PRKN: variants seen among roughly 807,000 people sequenced by gnomAD.
The protein encoded by PRKN is E3 ubiquitin-protein ligase parkin.
A neutral mutation model predicts 59.5 loss-of-function variants in PRKN; 56 were observed. The ratio of observed to expected loss-of-function variants is 0.94; its 90% CI spans 0.76 to 1.18. The LOEUF (loss-of-function observed/expected upper bound fraction) is 1.18. Ranked by LOEUF, PRKN falls within the 50% of genes most tolerant of loss-of-function variation. The pLI is 0.00. For missense variants in PRKN, 657 were observed against 596.4 expected, an observed-to-expected ratio of 1.10 and a Z score of -1.06; for synonymous variants, 250 against 222.1, an observed-to-expected ratio of 1.13 and a Z score of -1.12.
At chr6:162,418,177 A>T (rs1788742361) in intron 2 of PRKN, among the ~76,000 whole-genome samples, 1 of 152,214 alleles carries the variant, frequency 6.6e-6, no homozygotes, top group Admixed American at 6.5e-5. Context: ...ATTTGGCAAT[A>T]AAAATGAAGT....
At chr6:162,445,850 G>A (rs926176794) in intron 1 of PRKN, among the ~76,000 whole-genome samples, 3 of 151,796 alleles carry the variant, frequency 2.0e-5, no homozygotes, top group African/African-American at 7.3e-5. Context: ...GGAGCTAAGA[G>A]CAAAGGACCG....
At chr6:162,567,204 G>A (rs761345121) in intron 1 of PRKN, among the ~76,000 whole-genome samples, 3 of 148,048 alleles carry the variant, frequency 2.0e-5, no homozygotes, top group African/African-American at 4.9e-5. Context: ...TTCTAAGATC[G>A]GGAACATGAC....
At chr6:162,014,242 G>T (rs1180233234) in intron 5 of PRKN, among the ~76,000 whole-genome samples, 1 of 152,192 alleles carries the variant, frequency 6.6e-6, no homozygotes, top group African/African-American at 2.4e-5. Context: ...GGCGGAGCAT[G>T]GGCAGTTGAG....
chr6:162,236,015 AAG>A lies in PRKN; in HGVS notation c.412+26508_412+26509del, dbSNP rs200910519. ...AAAGAAAGAAAGAAAGAAAGAAAGA[AAG>A]AAAGAAACTCCTCACCCTTCAGTGT... On this transcript the variant is annotated intron_variant, in intron 3 of 11. Coordinates refer to ENST00000366898, the MANE Select transcript of PRKN (RefSeq NM_004562.3). Among the ~76,000 whole-genome samples the A allele has an allele frequency of 8.9e-5, 13 of 145,658 alleles. No individual in the cohort carries two copies. In the South Asian group the frequency reaches 1.1e-3, roughly 12 times the overall value.
At chr6:162,380,467 ATG>A (rs1554309906) in intron 2 of PRKN, among the ~76,000 whole-genome samples, 2 of 54,918 alleles carry the variant, frequency 3.6e-5, no homozygotes, top group Non-Finnish European at 5.9e-5. Context: ...ACACATATAT[ATG>A]TGTGTATATA....
chr6:162,513,069 G>T (rs1371553175), intron 1 of PRKN, among the ~76,000 whole-genome samples: 1 of 152,120 alleles, frequency 6.6e-6, no homozygotes, highest in African/African-American at 2.4e-5. Flanking sequence ...TGAAGATGAA[G>T]AATGCTTCTC....
At chr6:162,009,512 A>G (rs1487896827) in intron 5 of PRKN, among the ~76,000 whole-genome samples, 2 of 151,920 alleles carry the variant, frequency 1.3e-5, no homozygotes, top group Non-Finnish European at 2.9e-5. Context: ...AAGGAGGTAA[A>G]AAGATGTCAT....
At chr6:162,556,761 A>AG (rs1218460172) in intron 1 of PRKN, among the ~76,000 whole-genome samples, 16 of 151,124 alleles carry the variant, frequency 1.1e-4, no homozygotes, top group African/African-American at 3.6e-4. Context: ...AAAAAAAAAA[A>AG]AAGAGAAAAG....
chr6:162,243,742 C>T (rs539479270), intron 3 of PRKN, among the ~76,000 whole-genome samples: 2 of 152,242 alleles, frequency 1.3e-5, no homozygotes, highest in South Asian at 2.1e-4. Context: ...TCAAATCCCA[C>T]ATCTCAGTGA....
chr6:162,529,196 AC>A (rs1403359701), intron 1 of PRKN, among the ~76,000 whole-genome samples: 1 of 152,102 alleles, frequency 6.6e-6, no homozygotes. Flanking sequence ...TTTTAGTGAT[AC>A]ATTTATACTG....
chr6:161,573,751 A>ATT (rs1479971978), intron 7 of PRKN, among the ~76,000 whole-genome samples: 1,135 of 27,272 alleles, frequency 0.042, 67 homozygotes, highest in Middle Eastern at 0.056. Context: ...AAAAAAAAAA[A>ATT]AAAAATATAT....
chr6:162,046,650 T>C (rs1784261638), intron 5 of PRKN, among the ~76,000 whole-genome samples: 1 of 152,216 alleles, frequency 6.6e-6, no homozygotes, highest in South Asian at 2.1e-4. Context: ...TCTTTAACAC[T>C]ACCATGAAGA....
At chr6:162,332,526 C>T (rs9356004) in intron 2 of PRKN, among the ~76,000 whole-genome samples, 1 of 152,130 alleles carries the variant, frequency 6.6e-6, no homozygotes, top group African/African-American at 2.4e-5. Flanking sequence ...CAGTATAAAC[C>T]CATGCCATCA....
Position 162,454,264 on chromosome 6 carries a change from T to C in PRKN, c.8-10791A>G, listed in dbSNP as rs190865422. Among the ~76,000 whole-genome samples the C allele has an allele frequency of 1.4e-4, 22 of 152,354 alleles. No homozygotes were observed. In the South Asian group the frequency reaches 4.1e-3, roughly 29 times the overall value. ...AATGTTTGGTTTTAAAAATGTACCATTTATTTTCTTTAAATAAGAAAAGTG... is the reference window on the plus strand; with the variant it reads ...AATGTTTGGTTTTAAAAATGTACCACTTATTTTCTTTAAATAAGAAAAGTG... On this transcript the variant is annotated intron_variant, in intron 1 of 11. Coordinates refer to ENST00000366898, the MANE Select transcript of PRKN (RefSeq NM_004562.3).
rs7758777 is a variant in PRKN at position 161,527,959 on chromosome 6, C to A, written c.1083+20895G>T. Among the ~76,000 whole-genome samples, 3 of 152,150 alleles carry A rather than the reference C, an allele frequency of 2.0e-5. No homozygotes were observed. Among genetic ancestry groups the A allele is most frequent in the East Asian group, 1.9e-4 (1 of 5,186 alleles). On this transcript the variant is annotated intron_variant, in intron 9 of 11. Transcript: ENST00000366898. This position sits in a 1 kb window ranked among gnomAD's most constrained non-coding sequence, Gnocchi z 4.6. ...CTGCTTTTAAACATTTCTTTCCCCC[C>A]ACTTAGTCCCCAGAGACTTAGAGTT...
intron 7 of PRKN, among the ~76,000 whole-genome samples, chr6:161,689,709 A>T (rs1026656371): frequency 3.9e-5 from 6 of 152,134 alleles, no homozygotes; most frequent in Non-Finnish European, 8.8e-5. Context: ...CATTCTATAA[A>T]GAAAAATTTT....
chr6:162,303,042 G>A (rs1191639759), intron 2 of PRKN, among the ~76,000 whole-genome samples: 1 of 150,368 alleles, frequency 6.7e-6, no homozygotes, highest in Non-Finnish European at 1.5e-5. Flanking sequence ...GTGACTTTTG[G>A]AAACATAACC....
At chr6:161,899,644 T>C (rs1475301903) in intron 6 of PRKN, among the ~76,000 whole-genome samples, 3 of 152,218 alleles carry the variant, frequency 2.0e-5, no homozygotes, top group Non-Finnish European at 2.9e-5. Context: ...TTATCGATGA[T>C]ATCACCTGCT....
At chr6:162,600,504 C>T (rs1781664482) in intron 1 of PRKN, among the ~76,000 whole-genome samples, 1 of 152,150 alleles carries the variant, frequency 6.6e-6, no homozygotes, top group Admixed American at 6.5e-5. Context: ...AGTACTAAGT[C>T]AGATCCCATA....
Sources: allele counts gnomAD v4.1 joint callset (sites outside exome capture counted in the v4.1 genomes callset), GRCh38; gene constraint gnomAD v4.1.1; non-coding constraint Gnocchi (gnomAD v3.1); transcripts MANE v1.5; gene names NCBI Gene and HGNC (gene_info 2026-07-23, HGNC 2026-07-21).